Variants in FBF1 observed in about 807,000 individuals in gnomAD.
FBF1 encodes fas-binding factor 1.
In FBF1, 119 loss-of-function variants were observed where a neutral mutation model predicts 147.2. That is an observed-to-expected ratio of 0.81 (90% CI 0.70 to 0.94). The LOEUF is 0.94. Ranked by LOEUF, FBF1 falls within the 40% of genes least tolerant of loss-of-function variation. The probability of loss-of-function intolerance (pLI) is 0.00; values close to 1 mark genes in which losing one functional copy is unlikely to be tolerated. For synonymous variants in FBF1, 601 were observed against 609.0 expected, an observed-to-expected ratio of 0.99 and a Z score of 0.19; for missense variants, 1,449 against 1,500.8, an observed-to-expected ratio of 0.97 and a Z score of 0.57.
In FBF1 at chr17:75,921,293, G is replaced by A. The variant is rs370865553; in HGVS notation, c.1625C>T (p.Thr542Met). The change falls in exon 17 of 30, where the codon ACG becomes ATG. Residue 542 changes from threonine (T) to methionine (M), a missense_variant. Coordinates refer to ENST00000636174, the MANE Select transcript of FBF1 (RefSeq NM_001319193.2). The part of the protein sequence containing the change: ...PGDLSATEPA[T>M]CFPSTQKPTE... ...GGGTTTCTGGGTGCTCGGGAAACAC[G>A]TGGCAGGCTCTGAAACATCAACAAC... 2.4e-4 allele frequency: 377 copies of A among 1,591,772 alleles called. No individual in the cohort carries two copies. Among genetic ancestry groups the A allele is most frequent in the South Asian group, 2.2e-3 (189 of 87,508 alleles).
Position 75,919,434 on chromosome 17 carries a change from C to A in FBF1, c.2138+234G>T, listed in dbSNP as rs1185360038. The stretch of plus-strand genomic sequence containing the variant: ...GGCGGCTTGCTGCTGCCATGCCATG[C>A]CTGAACAGCCTGTGGGTACCCCCTC... On this transcript the variant is annotated intron_variant, in intron 20 of 29. Coordinates refer to ENST00000636174, the MANE Select transcript of FBF1 (RefSeq NM_001319193.2). The surrounding 1 kb of genome is among the most constrained non-coding windows in gnomAD (Gnocchi z 5.0). 6.6e-6 allele frequency among the ~76,000 whole-genome samples: 1 copy of A among 152,180 alleles called. No individual in the cohort carries two copies. Among genetic ancestry groups the A allele is most frequent in the African/African-American group, 2.4e-5 (1 of 41,442 alleles).
rs2065534882 is a variant in FBF1 at position 75,922,611 on chromosome 17, C to T, written c.1425-565G>A. 6.6e-6 allele frequency among the ~76,000 whole-genome samples: 1 copy of T among 152,182 alleles called. No homozygotes were observed. The highest frequency in any genetic ancestry group is 1.5e-5 in the Non-Finnish European group (1 of 68,024). On this transcript the variant is annotated intron_variant, in intron 14 of 29. Transcript: ENST00000636174. This position sits in a 1 kb window ranked among gnomAD's most constrained non-coding sequence, Gnocchi z 5.0. Reference sequence around the variant, plus strand: ...TCACTCCCCTGGGCTCTGGCCACAGCACATCTCACCACTTCCTCTGGACTC... The same window carrying T: ...TCACTCCCCTGGGCTCTGGCCACAGTACATCTCACCACTTCCTCTGGACTC...
intron 15 of FBF1, 64 bp downstream of exon 15, chr17:75,921,881 C>T: frequency 7.1e-7 from 1 of 1,401,610 alleles, no homozygotes; most frequent in East Asian, 2.5e-5. Context: ...GTCCCTCTCT[C>T]AGGACAGAGG....
At chr17:75,927,097 G>A (rs1023362863) in intron 9 of FBF1, among the ~76,000 whole-genome samples, 2 of 152,162 alleles carry the variant, frequency 1.3e-5, no homozygotes, top group African/African-American at 4.8e-5. Flanking sequence ...GGACCTACGG[G>A]GCCTGCCTCA....
chr17:75,935,648 G>A lies in FBF1; in HGVS notation c.57C>T (p.Asp19=), dbSNP rs2065619921. 4 of 1,536,976 alleles carry A rather than the reference G, an allele frequency of 2.6e-6. No homozygotes were observed. Among genetic ancestry groups the A allele is most frequent in the Non-Finnish European group, 3.5e-6 (4 of 1,146,812 alleles). ...CACACTTACTATCATCCCCTAGAAG[G>A]TCACCAAGAAAATCATCAATGGAGC... ...CKGSIDDFLG[D]LLGDDMTLPE... The change falls in exon 4 of 30, where the codon GAC becomes GAT. Residue 19 remains aspartate, a synonymous_variant. Coordinates refer to ENST00000636174, the MANE Select transcript of FBF1 (RefSeq NM_001319193.2).
Position 75,925,240 on chromosome 17 carries a change from G to C in FBF1, c.968+107C>G. The C allele has an allele frequency of 1.3e-6, 1 of 785,796 alleles. No individual in the cohort carries two copies. The allele number at this position is 785,796 out of a possible 1,614,324, so 48.7% of individuals were successfully genotyped here. ...AGAGCTGAGGGCCTTGTACCCTGTG[G>C]CCTCCCACATGAGACTCTCGGGTGG... On this transcript the variant is annotated intron_variant, in intron 13 of 29. Coordinates refer to ENST00000636174, the MANE Select transcript of FBF1 (RefSeq NM_001319193.2). This position sits in a 1 kb window ranked among gnomAD's most constrained non-coding sequence, Gnocchi z 5.0.
rs983857330 is a variant in FBF1, at chr17:75,919,490, C to T, written c.2138+178G>A. ...TCTGTAAGAGCAGGTGGCACCCCCA[C>T]CCATGGGTGTGATGGGTCAGTGTGC... On this transcript the variant is annotated intron_variant, in intron 20 of 29. Transcript: ENST00000636174. This position sits in a 1 kb window ranked among gnomAD's most constrained non-coding sequence, Gnocchi z 5.0. Among the ~76,000 whole-genome samples, 1 of 152,198 alleles carries T rather than the reference C, an allele frequency of 6.6e-6. No individual in the cohort carries two copies. Among genetic ancestry groups the T allele is most frequent in the Non-Finnish European group, 1.5e-5 (1 of 68,024 alleles).
chr17:75,938,312 G>C lies in FBF1; in HGVS notation c.-83-80C>G, dbSNP rs184129516. 68 of 1,052,946 alleles carry C rather than the reference G, an allele frequency of 6.5e-5. 3 individuals are homozygous for C. The South Asian group carries it at 9.0e-4, about 14-fold the overall frequency. 65.2% of individuals were successfully genotyped at this position (1,052,946 alleles called of 1,614,324 possible). A position where few individuals can be genotyped will look rare whatever the true frequency, so the allele number is the denominator to read the frequency against. ...CCATGGCTCACGCCTGTTAATCCCA[G>C]CACTTTCAGAGGCCAAGGCGGGGGG... is the stretch of plus-strand genomic sequence containing the variant. On this transcript the variant is annotated intron_variant, in intron 1 of 29. Transcript: ENST00000636174.
intron 4 of FBF1, among the ~76,000 whole-genome samples, chr17:75,934,661 C>T (rs1044383899): frequency 6.6e-6 from 1 of 151,728 alleles, no homozygotes; most frequent in African/African-American, 2.4e-5. Context: ...GGTGGATCAC[C>T]TGAGGTTGGG....
rs2144144487 is a variant in FBF1, at chr17:75,909,929, A to G, written c.*794T>C. ...GATCAGAGAAACCTCTGTAGTTGTG[A>G]TTGGTTCCTTGTCGCCTCCACTGCG... On this transcript the variant is annotated 3_prime_UTR_variant, in exon 30 of 30. Transcript: ENST00000636174. The G allele has an allele frequency of 1.4e-6, 1 of 700,234 alleles. No individual in the cohort carries two copies. Among genetic ancestry groups the G allele is most frequent in the East Asian group, 2.7e-5 (1 of 37,178 alleles). The allele number at this position is 700,234 out of a possible 1,614,324, so 43.4% of individuals were successfully genotyped here.
At position 75,926,027 on chromosome 17, in the gene FBF1, T is replaced by A. The variant is rs566714936; in HGVS notation, c.868+3A>T. On this transcript the variant is annotated splice_donor_region_variant and intron_variant, in intron 12 of 29. Coordinates refer to ENST00000636174, the MANE Select transcript of FBF1 (RefSeq NM_001319193.2). ...CTGTTGCGGCCCCCGCAAGCCTCCT[T>A]ACCCTGTGGCCTCTGGTACTTCTTG... The A allele has an allele frequency of 6.2e-7, 1 of 1,609,080 alleles. No individual in the cohort carries two copies. Among genetic ancestry groups the A allele is most frequent in the East Asian group, 2.2e-5 (1 of 44,840 alleles).
intron 1 of FBF1, among the ~76,000 whole-genome samples, chr17:75,939,388 C>T (rs1385365862): frequency 6.6e-6 from 1 of 150,922 alleles, no homozygotes. Context: ...TGGCCATCAT[C>T]CCTTACCCTG....
At chr17:75,917,643 G>A (rs2144159759) in intron 23 of FBF1, 89 bp downstream of exon 23, 1 of 1,208,630 alleles carries the variant, frequency 8.3e-7, no homozygotes, top group East Asian at 2.6e-5. Context: ...GAGGAAGTGA[G>A]GTCACGGGAG....
At chr17:75,927,011 G>A (rs2065566259) in intron 9 of FBF1, 134 bp from the exon 10 acceptor site, 4 of 1,284,452 alleles carry the variant, frequency 3.1e-6, no homozygotes, top group Non-Finnish European at 4.2e-6. Context: ...GGCATCTGGA[G>A]GGTGGGGCCT....
Position 75,931,234 on chromosome 17 carries a change from C to T in FBF1, c.223G>A (p.Ala75Thr). ...AGGGAAACAGCCAGGCTCACCTCAG[C>T]ATCAGCTTCTTCCAGGCCTGCCATG... The part of the protein sequence containing the change: ...STMAGLEEAD[A>T]EVSGISEADP... Residue 75 changes from alanine to threonine, a missense_variant, in exon 6 of 30, where the codon GCT becomes ACT. Physicochemically the swap from Ala to Thr is moderately conservative, Grantham distance 58 (BLOSUM62 0). Coordinates refer to ENST00000636174, the MANE Select transcript of FBF1 (RefSeq NM_001319193.2). The T allele has an allele frequency of 6.3e-7, 1 of 1,576,110 alleles. No homozygotes were observed. Among genetic ancestry groups the T allele is most frequent in the East Asian group, 2.3e-5 (1 of 42,806 alleles).
chr17:75,914,105 A>C lies in FBF1; in HGVS notation c.2991+17T>G. The C allele has an allele frequency of 6.3e-7, 1 of 1,597,122 alleles. No individual in the cohort carries two copies. Among genetic ancestry groups the C allele is most frequent in the Non-Finnish European group, 8.5e-7 (1 of 1,176,118 alleles). On this transcript the variant is annotated intron_variant, in intron 26 of 29. Coordinates refer to ENST00000636174, the MANE Select transcript of FBF1 (RefSeq NM_001319193.2). ...CCTGGGCTCAGATGCGCCCACGCCC[A>C]TGTGCCCGAGCAGCACCTTGCTCAT...
At chr17:75,920,212 C>G (rs558280089) in intron 18 of FBF1, 62 bp downstream of exon 18, 38 of 1,592,832 alleles carry the variant, frequency 2.4e-5, no homozygotes, top group African/African-American at 1.7e-4. Context: ...CTTCCAGCCA[C>G]TCTCAGTGTC....
intron 28 of FBF1, 55 bp from the exon 29 acceptor site, chr17:75,912,362 G>A (rs1293533028): frequency 7.2e-6 from 10 of 1,381,650 alleles, no homozygotes; most frequent in African/African-American, 1.4e-5. Context: ...AATACCGGGC[G>A]GTCACAGCTT....
Position 75,919,825 on chromosome 17 carries a change from G to A in FBF1, c.1981C>T (p.Leu661Phe). ...ETSYQQREER[L>F]RRENEELSAR... ...GACAGCTCTTCGTTCTCTCTCCGGA[G>A]CCGCTCCTCCCGTTGCTGGTACGAT... The change falls in exon 20 of 30, where the codon CTC becomes TTC. Residue 661 changes from leucine (L) to phenylalanine (F), a missense_variant. Physicochemically the swap from Leu to Phe is conservative, Grantham distance 22. Transcript: ENST00000636174. This position sits in a 1 kb window ranked among gnomAD's most constrained non-coding sequence, Gnocchi z 5.0. 1 of 1,613,868 alleles carries A rather than the reference G, an allele frequency of 6.2e-7. No individual in the cohort carries two copies. Among genetic ancestry groups the A allele is most frequent in the Non-Finnish European group, 8.5e-7 (1 of 1,179,904 alleles).
Sources: allele counts gnomAD v4.1 joint callset (sites outside exome capture counted in the v4.1 genomes callset), GRCh38; gene constraint gnomAD v4.1.1; non-coding constraint Gnocchi (gnomAD v3.1); transcripts MANE v1.5; gene names NCBI Gene and HGNC (gene_info 2026-07-23, HGNC 2026-07-21).